Variants in NTM observed in about 807,000 individuals in gnomAD.
NTM encodes the protein neurotrimin.
In NTM, 13 loss-of-function variants were observed where a neutral mutation model predicts 42.1. That is an observed-to-expected ratio of 0.31 (90% CI 0.20 to 0.49). NTM has a LOEUF of 0.49. NTM is among the 20% of genes least tolerant of loss of function. The pLI is 0.99. For synonymous variants in NTM, 187 were observed against 179.2 expected (o/e 1.04, Z -0.35); for missense variants, 373 against 452.8 (o/e 0.82, Z 1.60).
At chr11:131,422,107 T>C in intron 1 of NTM, among the ~76,000 whole-genome samples, 1 of 152,226 alleles carries the variant, frequency 6.6e-6, no homozygotes, top group Non-Finnish European at 1.5e-5. Flanking sequence ...CCGTCTACTT[T>C]GCCTGATGGA....
intron 1 of NTM, among the ~76,000 whole-genome samples, chr11:131,669,522 T>C (rs1382351346): frequency 5.9e-5 from 9 of 152,040 alleles, no homozygotes; most frequent in Admixed American, 5.9e-4. Context: ...CTGGAAGGCA[T>C]GTTAGGGGCA....
intron 1 of NTM, among the ~76,000 whole-genome samples, chr11:131,490,732 G>A (rs114257067): frequency 0.012 from 1,811 of 152,296 alleles, 33 homozygotes; most frequent in African/African-American, 0.042. Flanking sequence ...CATTTTAACT[G>A]CAATCAATCA....
intron 1 of NTM, among the ~76,000 whole-genome samples, chr11:131,845,867 T>C (rs1000663933): frequency 2.6e-5 from 4 of 152,160 alleles, no homozygotes; most frequent in African/African-American, 9.7e-5. Context: ...AATTTGCCTC[T>C]CTGGTATTAT....
intron 2 of NTM, among the ~76,000 whole-genome samples, chr11:132,082,338 A>C (rs374123228): frequency 2.0e-5 from 3 of 152,284 alleles, no homozygotes; most frequent in East Asian, 3.9e-4. Flanking sequence ...TTTCCCCCTC[A>C]CAAATTGAAT....
intron 4 of NTM, among the ~76,000 whole-genome samples, chr11:132,282,804 G>A (rs1435964466): frequency 1.3e-5 from 2 of 152,064 alleles, no homozygotes; most frequent in East Asian, 3.9e-4. Context: ...ATCTATGAAT[G>A]CCTATTAATA....
intron 1 of NTM, among the ~76,000 whole-genome samples, chr11:131,825,913 G>A (rs2042076215): frequency 6.6e-6 from 1 of 152,096 alleles, no homozygotes; most frequent in African/African-American, 2.4e-5. Context: ...ATATGTTTTT[G>A]GAGGATTTTT....
chr11:132,018,867 T>G (rs1478173682), intron 2 of NTM, among the ~76,000 whole-genome samples: 1 of 152,032 alleles, frequency 6.6e-6, no homozygotes, highest in African/African-American at 2.4e-5. Context: ...TTGCCGAAGA[T>G]TTTTCATTGC....
chr11:132,144,351 T>G (rs79388160), intron 2 of NTM, among the ~76,000 whole-genome samples: 1,607 of 152,350 alleles, frequency 0.011, 25 homozygotes, highest in African/African-American at 0.036. Flanking sequence ...GGGGCTCATG[T>G]GCACCGTAAA....
At chr11:132,307,178 A>AT (rs2095117576) in intron 4 of NTM, among the ~76,000 whole-genome samples, 1 of 152,014 alleles carries the variant, frequency 6.6e-6, no homozygotes, top group African/African-American at 2.4e-5. Flanking sequence ...AGAAAATTAA[A>AT]TTTTTTATGT....
chr11:132,011,460 G>A (rs947739931), intron 2 of NTM, among the ~76,000 whole-genome samples: 9 of 152,032 alleles, frequency 5.9e-5, no homozygotes, highest in African/African-American at 1.2e-4. Flanking sequence ...CTGGGTGAGC[G>A]GTCCCTAAAC....
At chr11:131,825,667 G>A (rs1398337548) in intron 1 of NTM, among the ~76,000 whole-genome samples, 1 of 152,148 alleles carries the variant, frequency 6.6e-6, no homozygotes, top group Non-Finnish European at 1.5e-5. Flanking sequence ...TACCAGGATG[G>A]AAAAGATGGA....
intron 1 of NTM, among the ~76,000 whole-genome samples, chr11:131,847,282 T>G (rs1291655055): frequency 6.6e-6 from 1 of 152,016 alleles, no homozygotes; most frequent in Non-Finnish European, 1.5e-5. Context: ...TTTAAATTAT[T>G]TTAATTACAT....
intron 1 of NTM, among the ~76,000 whole-genome samples, chr11:131,766,074 G>A (rs10894441): frequency 0.14 from 20,768 of 152,172 alleles, 1,899 homozygotes; most frequent in Non-Finnish European, 0.2. Context: ...CCTGGGCATG[G>A]AGGGGGCTGA....
chr11:131,671,139 G>C (rs925685554), intron 1 of NTM, among the ~76,000 whole-genome samples: 2 of 152,160 alleles, frequency 1.3e-5, no homozygotes, highest in African/African-American at 4.8e-5. Flanking sequence ...CTGCCCAACA[G>C]GCTCTGCTCA....
At chr11:132,161,390 T>A (rs1176087196) in intron 3 of NTM, among the ~76,000 whole-genome samples, 2 of 149,452 alleles carry the variant, frequency 1.3e-5, no homozygotes, top group African/African-American at 4.9e-5. Context: ...TTTTTTTTTT[T>A]TTTTTCCCCA....
chr11:131,379,689 G>T (rs1225532443), intron 1 of NTM, among the ~76,000 whole-genome samples: 1 of 152,168 alleles, frequency 6.6e-6, no homozygotes, highest in African/African-American at 2.4e-5. Flanking sequence ...CTACCCACAG[G>T]ACTGGTCTAG....
chr11:131,684,729 G>T (rs951692546), intron 1 of NTM, among the ~76,000 whole-genome samples: 1 of 152,236 alleles, frequency 6.6e-6, no homozygotes, highest in Non-Finnish European at 1.5e-5. Flanking sequence ...TTCCTAGAGA[G>T]CAGAGGGCCT....
chr11:131,661,098 C>A (rs2067988151), intron 1 of NTM: 3 of 1,223,814 alleles, frequency 2.5e-6, no homozygotes, highest in Non-Finnish European at 3.3e-6. Flanking sequence ...GTGGGGGGGT[C>A]TTCCCCCTAG....
chr11:132,217,494 G>A (rs1416850643), intron 4 of NTM, among the ~76,000 whole-genome samples: 1 of 151,434 alleles, frequency 6.6e-6, no homozygotes, highest in Non-Finnish European at 1.5e-5. Flanking sequence ...AATTGAGGTG[G>A]GTTAGAGATC....
Sources: gnomAD v4.1 joint callset for allele counts (sites outside exome capture counted in the v4.1 genomes callset) on GRCh38, gnomAD v4.1.1 for gene constraint, MANE v1.5 for transcripts, NCBI Gene and HGNC (gene_info 2026-07-23, HGNC 2026-07-21) for gene names.